The following FRAS1 variants were observed in gnomAD, a reference collection of about 807,000 sequenced individuals.
The protein encoded by FRAS1 is Fraser extracellular matrix complex subunit 1.
A neutral mutation model predicts 435.2 loss-of-function variants in FRAS1; 290 were observed. The ratio of observed to expected loss-of-function variants is 0.67; its 90% CI spans 0.61 to 0.73. FRAS1 has a LOEUF of 0.73. Ranked by LOEUF, FRAS1 falls within the 30% of genes least tolerant of loss-of-function variation. FRAS1 has a pLI of 0.00. For synonymous variants in FRAS1, 1,800 were observed against 1,851.0 expected (o/e 0.97, Z 0.71); for missense variants, 4,860 against 5,001.5 (o/e 0.97, Z 0.85).
intron 56 of FRAS1, among the ~76,000 whole-genome samples, chr4:78,480,738 TG>T (rs1340512066): frequency 6.6e-6 from 1 of 152,226 alleles, no homozygotes; most frequent in African/African-American, 2.4e-5. Flanking sequence ...TGAAGTCTTA[TG>T]TATGCTGCAG....
At position 78,537,147 on chromosome 4, in the gene FRAS1, C is replaced by T; in HGVS notation, c.11245C>T (p.Gln3749Ter). 1 of 1,614,024 alleles carries T rather than the reference C, an allele frequency of 6.2e-7. No individual in the cohort carries two copies. Residue 3749 changes from glutamine (Q) to a stop codon, truncating the protein, a stop_gained, in exon 72 of 74, where the codon CAG (glutamine) becomes TAG (stop). Transcript: ENST00000512123. LOFTEE classifies it high-confidence loss of function. ...PTGTIYNEGPQYGCIQPNKHL... is the reference protein window; with the variant it reads ...PTGTIYNEGP Reference sequence around the variant, plus strand: ...GGGGACAATCTACAATGAAGGGCCCCAGTATGGATGCATTCAGCCAAACAA... The same window carrying T: ...GGGGACAATCTACAATGAAGGGCCCTAGTATGGATGCATTCAGCCAAACAA...
intron 29 of FRAS1, among the ~76,000 whole-genome samples, chr4:78,388,810 A>C (rs1436733604): frequency 1.3e-5 from 2 of 152,050 alleles, no homozygotes; most frequent in Non-Finnish European, 2.9e-5. Flanking sequence ...CCTATCTCTA[A>C]ATAAATAAAT....
chr4:78,133,246 G>C (rs1052353809), intron 2 of FRAS1, among the ~76,000 whole-genome samples: 2 of 152,158 alleles, frequency 1.3e-5, no homozygotes, highest in African/African-American at 4.8e-5. Context: ...TCATTATGCG[G>C]TGTAAAATAA....
In FRAS1 at chr4:78,499,802, A is replaced by G; in HGVS notation, c.9197A>G (p.Lys3066Arg). 1 of 1,613,950 alleles carries G rather than the reference A, an allele frequency of 6.2e-7. No homozygotes were observed. Residue 3066 changes from lysine to arginine, a missense_variant, in exon 61 of 74, where the codon AAG becomes AGG. Transcript: ENST00000512123. ...GPDAIAILNI[K>R]VIRRGDQNRT... Reference sequence around the variant, plus strand: ...GATGCCATTGCGATTCTGAACATCAAGGTGATCCGCAGAGGGGATCAGAAC... The same window carrying G: ...GATGCCATTGCGATTCTGAACATCAGGGTGATCCGCAGAGGGGATCAGAAC...
At chr4:78,370,253 T>C (rs1055934432) in intron 23 of FRAS1, among the ~76,000 whole-genome samples, 2 of 152,192 alleles carry the variant, frequency 1.3e-5, no homozygotes, top group African/African-American at 4.8e-5. Flanking sequence ...AATCCTCAGG[T>C]TATATATGGC....
intron 19 of FRAS1, among the ~76,000 whole-genome samples, chr4:78,337,299 C>T (rs1448094698): frequency 6.6e-6 from 1 of 152,146 alleles, no homozygotes; most frequent in Non-Finnish European, 1.5e-5. Flanking sequence ...CTCCCTGTCC[C>T]ACTCATTCTT....
intron 1 of FRAS1, among the ~76,000 whole-genome samples, chr4:78,058,297 C>T (rs1169316092): frequency 6.6e-6 from 1 of 152,038 alleles, no homozygotes; most frequent in African/African-American, 2.4e-5. Context: ...GGATTACACC[C>T]CCGAAACGGC....
intron 23 of FRAS1, among the ~76,000 whole-genome samples, chr4:78,371,083 G>GTTTTTTTTTTTTTTTTTTTTTT (rs1242709942): frequency 7.8e-6 from 1 of 127,402 alleles, no homozygotes; most frequent in Non-Finnish European, 1.6e-5. Context: ...TTTTTTTTCT[G>GTTTTTTTTTTTTTTTTTTTTTT]TTTTTTTGTT....
intron 53 of FRAS1, among the ~76,000 whole-genome samples, chr4:78,473,881 A>G (rs920362147): frequency 1.3e-5 from 2 of 152,232 alleles, no homozygotes; most frequent in Admixed American, 1.3e-4. Context: ...AAACTTGTTT[A>G]TGTAACTTGT....
intron 12 of FRAS1, 75 bp downstream of exon 12, chr4:78,283,042 C>T (rs374566660): frequency 8.7e-7 from 1 of 1,155,010 alleles, no homozygotes; most frequent in Non-Finnish European, 1.1e-6. Context: ...TTCCCCACCC[C>T]CTTGCTTCTT....
chr4:78,138,483 C>G (rs1312980334), intron 2 of FRAS1, among the ~76,000 whole-genome samples: 1 of 152,138 alleles, frequency 6.6e-6, no homozygotes, highest in Non-Finnish European at 1.5e-5. Flanking sequence ...AGAAATATAT[C>G]TGGAGGGTTA....
intron 30 of FRAS1, among the ~76,000 whole-genome samples, chr4:78,404,357 A>G (rs1733019646): frequency 6.6e-6 from 1 of 151,946 alleles, no homozygotes; most frequent in African/African-American, 2.4e-5. Flanking sequence ...CATGTTTAAA[A>G]TATTATCTTT....
At chr4:78,103,447 G>A (rs961503969) in intron 2 of FRAS1, among the ~76,000 whole-genome samples, 2 of 152,174 alleles carry the variant, frequency 1.3e-5, no homozygotes, top group Admixed American at 1.3e-4. Context: ...GGGGTGTGGT[G>A]GAGGTAGGGA....
chr4:78,538,320 G>A (rs952207983), intron 72 of FRAS1, among the ~76,000 whole-genome samples: 10 of 152,146 alleles, frequency 6.6e-5, no homozygotes, highest in Non-Finnish European at 1.3e-4. Flanking sequence ...AAAACTCTCT[G>A]GGGTCCTTGA....
At position 78,446,611 on chromosome 4, in the gene FRAS1, A is replaced by G. The variant is rs1718838422; in HGVS notation, c.5857-116A>G. Reference sequence around the variant, plus strand: ...GCTTGGGAAGTAAAGATGGTGCCACATTAAATGCTATTTTGAGGTGAACAT... The same window carrying G: ...GCTTGGGAAGTAAAGATGGTGCCACGTTAAATGCTATTTTGAGGTGAACAT... On this transcript the variant is annotated intron_variant, in intron 42 of 73. Coordinates refer to ENST00000512123, the MANE Select transcript of FRAS1 (RefSeq NM_025074.7). The G allele has an allele frequency of 2.8e-6, 4 of 1,437,614 alleles. No individual in the cohort carries two copies. The South Asian group carries it at 4.6e-5, about 17-fold the overall frequency. 89.1% of individuals were successfully genotyped at this position (1,437,614 alleles called of 1,614,324 possible).
At chr4:78,182,926 C>G (rs990204223) in intron 2 of FRAS1, among the ~76,000 whole-genome samples, 2 of 148,266 alleles carry the variant, frequency 1.3e-5, no homozygotes, top group Non-Finnish European at 3.0e-5. Flanking sequence ...GGACAGAGAA[C>G]TGTGTGAGTC....
intron 4 of FRAS1, among the ~76,000 whole-genome samples, chr4:78,247,219 G>T (rs1472111324): frequency 1.3e-5 from 2 of 152,056 alleles, no homozygotes; most frequent in South Asian, 2.1e-4. Context: ...CACTTCCCTT[G>T]TGGTTCATCC....
Position 78,466,316 on chromosome 4 carries a change from A to G in FRAS1, c.7138A>G (p.Ile2380Val). Residue 2380 changes from isoleucine (I) to valine (V), a missense_variant, in exon 50 of 74, where the codon ATC (isoleucine) becomes GTC (valine). Transcript: ENST00000512123. ...HLTSTFTMKD[I>V]YQNRVSYSHD... is the part of the protein sequence containing the mutation. ...CACCTCCACCTTCACCATGAAAGAT[A>G]TCTACCAGAACCGGGTCAGCTACAG... The G allele has an allele frequency of 6.2e-7, 1 of 1,613,868 alleles. No individual in the cohort carries two copies. The highest frequency in any genetic ancestry group is 2.2e-5 in the East Asian group (1 of 44,882).
chr4:78,270,136 C>G (rs1284258290), intron 9 of FRAS1, among the ~76,000 whole-genome samples: 1 of 152,182 alleles, frequency 6.6e-6, no homozygotes, highest in East Asian at 1.9e-4. Context: ...GTGAACTCCC[C>G]ACTGCAGTGA....
Sources: gnomAD v4.1 joint callset for allele counts (sites outside exome capture counted in the v4.1 genomes callset) on GRCh38, gnomAD v4.1.1 for gene constraint, MANE v1.5 for transcripts, NCBI Gene and HGNC (gene_info 2026-07-23, HGNC 2026-07-21) for gene names.